The following CNMD variants were observed in gnomAD, a reference collection of about 807,000 sequenced individuals.
The protein encoded by CNMD is leukocyte cell-derived chemotaxin 1.
A neutral mutation model predicts 37.5 loss-of-function variants in CNMD; 30 were observed. That is an observed-to-expected ratio of 0.80 (90% CI 0.60 to 1.09). CNMD has a LOEUF of 1.09. CNMD is among the 50% of genes least tolerant of loss of function. The probability of loss-of-function intolerance (pLI) is 0.00; values close to 1 mark genes in which losing one functional copy is unlikely to be tolerated. For synonymous variants in CNMD, 167 were observed against 148.2 expected (o/e 1.13, Z -0.92); for missense variants, 398 against 423.9 (o/e 0.94, Z 0.54).
chr13:52,706,628 ATAG>A (rs1393465577), intron 6 of CNMD, among the ~76,000 whole-genome samples: 2 of 152,226 alleles, frequency 1.3e-5, no homozygotes, highest in Non-Finnish European at 2.9e-5. Context: ...TATTAAATGA[ATAG>A]TAGTCATTAA....
intron 3 of CNMD, among the ~76,000 whole-genome samples, chr13:52,724,417 C>CAAAAAAA (rs71094319): frequency 8.2e-5 from 7 of 85,848 alleles, no homozygotes; most frequent in African/African-American, 9.7e-5. Context: ...ACTAAAAATA[C>CAAAAAAA]AAAAAAAAAA....
rs755077767 is a variant in CNMD at position 52,739,176 on chromosome 13, G to C, written c.73-5C>G. 1 of 1,474,332 alleles carries C rather than the reference G, an allele frequency of 6.8e-7. No homozygotes were observed. The highest frequency in any genetic ancestry group is 1.5e-5 in the African/African-American group (1 of 67,516). 91.3% of individuals were successfully genotyped at this position (1,474,332 alleles called of 1,614,324 possible). Reference sequence around the variant, plus strand: ...CACCGTCAGCGTAGCGTACGCCTGCGGGCCGGGGCGGGAGAGGGACCGTCG... The same window carrying C: ...CACCGTCAGCGTAGCGTACGCCTGCCGGCCGGGGCGGGAGAGGGACCGTCG... On this transcript the variant is annotated splice_polypyrimidine_tract_variant and splice_region_variant and intron_variant, in intron 1 of 6. Transcript: ENST00000377962. The surrounding 1 kb of genome is among the most constrained non-coding windows in gnomAD (Gnocchi z 5.4).
In CNMD at chr13:52,739,484, G is replaced by C; in HGVS notation, c.72+146C>G. ...GACCCCTGCACACTCATACGCGTGG[G>C]GCGACATCCCACCCACACATTTGGG... On this transcript the variant is annotated intron_variant, in intron 1 of 6. Transcript: ENST00000377962. The surrounding 1 kb of genome is among the most constrained non-coding windows in gnomAD (Gnocchi z 5.4). 1 of 765,012 alleles carries C rather than the reference G, an allele frequency of 1.3e-6. No homozygotes were observed. Among genetic ancestry groups the C allele is most frequent in the South Asian group, 1.7e-5 (1 of 60,012 alleles). The allele number at this position is 765,012 out of a possible 1,614,324, so 47.4% of individuals were successfully genotyped here. A position where few individuals can be genotyped will look rare whatever the true frequency, so the allele number is the denominator to read the frequency against.
intron 4 of CNMD, among the ~76,000 whole-genome samples, chr13:52,718,745 G>A (rs1964431629): frequency 6.6e-6 from 1 of 151,778 alleles, no homozygotes; most frequent in Admixed American, 6.6e-5. Context: ...GCTGAGGAGT[G>A]TTTTTCTTCC....
At chr13:52,723,026 A>C (rs1433777225) in intron 4 of CNMD, among the ~76,000 whole-genome samples, 1 of 152,104 alleles carries the variant, frequency 6.6e-6, no homozygotes, top group Non-Finnish European at 1.5e-5. Context: ...GTGATCCGCT[A>C]TTGTGGGTCC....
intron 6 of CNMD, among the ~76,000 whole-genome samples, chr13:52,704,745 G>A (rs1964146418): frequency 6.6e-6 from 1 of 152,066 alleles, no homozygotes; most frequent in African/African-American, 2.4e-5. Flanking sequence ...CTTAATTTGG[G>A]ATGTCGGGGA....
intron 4 of CNMD, among the ~76,000 whole-genome samples, chr13:52,717,058 C>T (rs1226596430): frequency 3.3e-5 from 5 of 152,122 alleles, no homozygotes; most frequent in Non-Finnish European, 7.3e-5. Flanking sequence ...TGAAGAGGTC[C>T]TTCACATCCC....
At chr13:52,738,542 C>T (rs1964813986) in intron 2 of CNMD, among the ~76,000 whole-genome samples, 1 of 152,024 alleles carries the variant, frequency 6.6e-6, no homozygotes, top group African/African-American at 2.4e-5. Flanking sequence ...GGCTAGGTCA[C>T]AAAAAAACCT....
Position 52,720,765 on chromosome 13 carries a change from T to A in CNMD, c.468+3232A>T, listed in dbSNP as rs1964468954. Among the ~76,000 whole-genome samples, 4 of 152,256 alleles carry A rather than the reference T, an allele frequency of 2.6e-5. No homozygotes were observed. In the South Asian group the frequency reaches 8.3e-4, roughly 32 times the overall value. ...ATCCCTGCTGGGAGGTGTCTCCCAG[T>A]CAGGCACAGGGGGGTCAGGGACTCA... On this transcript the variant is annotated intron_variant, in intron 4 of 6. Transcript: ENST00000377962.
At chr13:52,730,187 G>A (rs1158450422) in intron 3 of CNMD, among the ~76,000 whole-genome samples, 1 of 152,000 alleles carries the variant, frequency 6.6e-6, no homozygotes, top group Non-Finnish European at 1.5e-5. Context: ...ATTCCATGGT[G>A]TATATGTGCC....
At chr13:52,727,627 T>C (rs1964597361) in intron 3 of CNMD, among the ~76,000 whole-genome samples, 2 of 152,092 alleles carry the variant, frequency 1.3e-5, no homozygotes, top group Non-Finnish European at 2.9e-5. Context: ...TAGAAAAGAA[T>C]GAAATCATGT....
At chr13:52,728,917 T>C (rs1315426701) in intron 3 of CNMD, among the ~76,000 whole-genome samples, 4 of 152,146 alleles carry the variant, frequency 2.6e-5, no homozygotes, top group Non-Finnish European at 5.9e-5. Flanking sequence ...AGCAGCCAGA[T>C]ATATTAAGAG....
chr13:52,715,149 T>C (rs536318449), intron 4 of CNMD, among the ~76,000 whole-genome samples: 2 of 152,350 alleles, frequency 1.3e-5, no homozygotes, highest in South Asian at 2.1e-4. Context: ...AATCCAGTTA[T>C]ACTGTTAGTT....
rs1236071503 is a variant in CNMD, at chr13:52,733,293, C to T, written c.280G>A (p.Ala94Thr). The T allele has an allele frequency of 1.2e-5, 19 of 1,613,458 alleles. No homozygotes were observed. Among genetic ancestry groups the T allele is most frequent in the Non-Finnish European group, 1.6e-5 (19 of 1,179,502 alleles). The change falls in exon 3 of 7, where the codon GCT becomes ACT. Residue 94 changes from alanine to threonine, a missense_variant. Coordinates refer to ENST00000377962, the MANE Select transcript of CNMD (RefSeq NM_007015.3). Reference protein sequence around the residue: ...KLQDGSMEIDAGNNLETFKMG... With the variant: ...KLQDGSMEIDTGNNLETFKMG... The stretch of plus-strand genomic sequence containing the variant: ...TTAAAGGTCTCCAAGTTGTTCCCAG[C>T]GTCTATTTCCATTGACCCATCTTGT...
Position 52,703,669 on chromosome 13 carries a change from G to GATAATTAT in CNMD, c.923_930dup (p.Gln311IlefsTer42), listed in dbSNP as rs1964124320. On this transcript the variant is annotated frameshift_variant, in exon 7 of 7. Coordinates refer to ENST00000377962, the MANE Select transcript of CNMD (RefSeq NM_007015.3). LOFTEE classifies it high-confidence loss of function. ...ACTCTGCAGGCCGAACGGCAGCCTT[G>GATAATTAT]ATAATTATAAGGCCATGGGTAATAG... The GATAATTAT allele has an allele frequency of 6.2e-7, 1 of 1,613,990 alleles. No individual in the cohort carries two copies. The highest frequency in any genetic ancestry group is 1.1e-5 in the South Asian group (1 of 91,076).
chr13:52,718,222 T>C (rs1964423138), intron 4 of CNMD, among the ~76,000 whole-genome samples: 1 of 152,308 alleles, frequency 6.6e-6, no homozygotes, highest in East Asian at 1.9e-4. Flanking sequence ...GTCATTTGAT[T>C]CTTTTCTCTT....
chr13:52,729,927 C>G (rs369662875), intron 3 of CNMD, among the ~76,000 whole-genome samples: 6 of 151,734 alleles, frequency 4.0e-5, no homozygotes, highest in African/African-American at 1.2e-4. Context: ...GAGCTGCACC[C>G]ATTAACTCGT....
At chr13:52,722,787 A>G (rs565177306) in intron 4 of CNMD, among the ~76,000 whole-genome samples, 1 of 152,368 alleles carries the variant, frequency 6.6e-6, no homozygotes, top group Admixed American at 6.5e-5. Flanking sequence ...GTTATTAATA[A>G]TAAATGAAAG....
In CNMD at chr13:52,739,752, A is replaced by T. The variant is rs1463607369; in HGVS notation, c.-51T>A. On this transcript the variant is annotated 5_prime_UTR_variant, in exon 1 of 7. Transcript: ENST00000377962. This position sits in a 1 kb window ranked among gnomAD's most constrained non-coding sequence, Gnocchi z 5.4. Reference sequence around the variant, plus strand: ...TTGGAGACTCCCTGGGCACCCTGGGATCTGTCCCGCTGCCCCGACGTGCAG... The same window carrying T: ...TTGGAGACTCCCTGGGCACCCTGGGTTCTGTCCCGCTGCCCCGACGTGCAG... The T allele has an allele frequency of 1.3e-6, 2 of 1,516,150 alleles. No individual in the cohort carries two copies. Among genetic ancestry groups the T allele is most frequent in the Admixed American group, 3.4e-5 (2 of 59,392 alleles). The allele number at this position is 1,516,150 out of a possible 1,614,324, so 93.9% of individuals were successfully genotyped here. A position where few individuals can be genotyped will look rare whatever the true frequency, so the allele number is the denominator to read the frequency against.
Sources: allele counts gnomAD v4.1 joint callset (sites outside exome capture counted in the v4.1 genomes callset), GRCh38; gene constraint gnomAD v4.1.1; non-coding constraint Gnocchi (gnomAD v3.1); transcripts MANE v1.5; gene names NCBI Gene and HGNC (gene_info 2026-07-23, HGNC 2026-07-21).